The following PHF19 variants were observed in gnomAD, a reference collection of about 807,000 sequenced individuals.
The protein encoded by PHF19 is PHD finger protein 19, also known as polycomb like 3.
Under a neutral mutation model 79.8 loss-of-function variants are expected in PHF19, and 21 were observed. The observed-to-expected ratio is 0.26, with a 90% confidence interval of 0.19 to 0.38. PHF19 has a LOEUF of 0.38. Ranked by LOEUF, PHF19 falls within the 10% of genes least tolerant of loss-of-function variation. PHF19 has a pLI of 1.00. For synonymous variants in PHF19, 273 were observed against 296.3 expected, an observed-to-expected ratio of 0.92 and a Z score of 0.81; for missense variants, 445 against 744.2, an observed-to-expected ratio of 0.60 and a Z score of 4.68.
upstream of PHF19, among the ~76,000 whole-genome samples, chr9:120,879,349 A>C (rs1305677744): frequency 6.6e-6 from 1 of 152,150 alleles, no homozygotes. Flanking sequence ...CTCGTGGAGG[A>C]GGCGGTGTTG....
intron 1 of PHF19, among the ~76,000 whole-genome samples, chr9:120,892,964 C>T (rs2046361459): frequency 6.6e-6 from 1 of 152,154 alleles, no homozygotes; most frequent in African/African-American, 2.4e-5. Context: ...AATAGCCCTG[C>T]CATTTCCTAG....
upstream of PHF19, among the ~76,000 whole-genome samples, chr9:120,898,450 A>G (rs2046418643): frequency 6.6e-6 from 1 of 152,244 alleles, no homozygotes; most frequent in South Asian, 2.1e-4. Flanking sequence ...AAGTCAGGAA[A>G]ATAATACTTT....
chr9:120,871,422 C>CAT (rs1003965965), intron 3 of PHF19, among the ~76,000 whole-genome samples: 50 of 152,342 alleles, frequency 3.3e-4, no homozygotes, highest in African/African-American at 1.2e-3. Context: ...TATAAGTTAA[C>CAT]ATAATTGCTT....
chr9:120,869,336 G>A lies in PHF19; in HGVS notation c.466-6C>T. 6.2e-7 allele frequency: 1 copy of A among 1,610,828 alleles called. No homozygotes were observed. Among genetic ancestry groups the A allele is most frequent in the Non-Finnish European group, 8.5e-7 (1 of 1,179,186 alleles). The stretch of plus-strand genomic sequence containing the variant: ...TTCTTCAGCGCGCCGCCTTTCTGGG[G>A]GGAGACGAGGGCCCCAGTCAACCAC... On this transcript the variant is annotated splice_region_variant and splice_polypyrimidine_tract_variant and intron_variant, in intron 5 of 14. Coordinates refer to ENST00000373896, the MANE Select transcript of PHF19 (RefSeq NM_015651.3). This position sits in a 1 kb window ranked among gnomAD's most constrained non-coding sequence, Gnocchi z 5.8.
chr9:120,878,697 C>T (rs537796186), upstream of PHF19, among the ~76,000 whole-genome samples: 1 of 152,228 alleles, frequency 6.6e-6, no homozygotes, highest in Non-Finnish European at 1.5e-5. Flanking sequence ...ACCTGCCTCA[C>T]TGCCCCATTC....
At position 120,856,663 on chromosome 9, in the gene PHF19, C is replaced by G. The variant is rs2045367363; in HGVS notation, c.*1281G>C. 1 of 152,728 alleles carries G rather than the reference C, an allele frequency of 6.5e-6. No homozygotes were observed. Among genetic ancestry groups the G allele is most frequent in the East Asian group, 1.9e-4 (1 of 5,188 alleles). The allele number at this position is 152,728 out of a possible 1,614,324, so 9.5% of individuals were successfully genotyped here. A position where few individuals can be genotyped will look rare whatever the true frequency, so the allele number is the denominator to read the frequency against. ...TTCCAAAAATTCTCTTTCAAACCCC[C>G]ACTGGCAAGGGCTTCCCTTTGAGGG... On this transcript the variant is annotated 3_prime_UTR_variant, in exon 15 of 15. Transcript: ENST00000373896.
chr9:120,862,698 G>T lies in PHF19; in HGVS notation c.1020C>A (p.Arg340=). 6.2e-7 allele frequency: 1 copy of T among 1,614,182 alleles called. No homozygotes were observed. Among genetic ancestry groups the T allele is most frequent in the South Asian group, 1.1e-5 (1 of 91,088 alleles). The change falls in exon 11 of 15, where the codon CGC becomes CGA. Residue 340 remains arginine (R), a synonymous_variant. Transcript: ENST00000373896. This position sits in a 1 kb window ranked among gnomAD's most constrained non-coding sequence, Gnocchi z 4.6. ...IKKKKCIFRL[R]IRVPPNPPGK... ...CTGGCGGGTTGGGTGGGACGCGGAT[G>T]CGCAGGCGGAAGATGCACTTCTTCT...
At chr9:120,894,992 G>A, upstream of PHF19, 1 of 373,834 alleles carries the variant, frequency 2.7e-6, no homozygotes, top group Non-Finnish European at 4.7e-6. Flanking sequence ...CATGGGCGAG[G>A]ACCTTCTCTT....
Position 120,869,697 on chromosome 9 carries a change from G to A in PHF19, c.465+148C>T. 6.4e-7 allele frequency: 1 copy of A among 1,553,144 alleles called. No homozygotes were observed. Among genetic ancestry groups the A allele is most frequent in the Non-Finnish European group, 8.7e-7 (1 of 1,147,636 alleles). ...GAGGCTCAGGGAGTCTACAAATCCT[G>A]GCCAAGGACAGTGGCAGAGGCGCTA... is the stretch of plus-strand genomic sequence containing the variant. On this transcript the variant is annotated intron_variant, in intron 5 of 14. Coordinates refer to ENST00000373896, the MANE Select transcript of PHF19 (RefSeq NM_015651.3). This position sits in a 1 kb window ranked among gnomAD's most constrained non-coding sequence, Gnocchi z 5.8.
the PHF19 span, chr9:120,903,965 G>C: frequency 6.6e-6 from 1 of 152,216 alleles, no homozygotes; most frequent in Non-Finnish European, 1.5e-5. Flanking sequence ...GGAAAACTTC[G>C]AAAGAGATTC....
In PHF19 at chr9:120,869,380, G is replaced by C; in HGVS notation, c.466-50C>G. ...CAACCACCAGGTCCGGGTGGACCAC[G>C]CGAGTCAGCACGCGGCTGTCTATTG... is the stretch of plus-strand genomic sequence containing the variant. On this transcript the variant is annotated intron_variant, in intron 5 of 14. Coordinates refer to ENST00000373896, the MANE Select transcript of PHF19 (RefSeq NM_015651.3). This position sits in a 1 kb window ranked among gnomAD's most constrained non-coding sequence, Gnocchi z 5.8. The C allele has an allele frequency of 1.3e-6, 2 of 1,583,246 alleles. No homozygotes were observed. The highest frequency in any genetic ancestry group is 8.6e-7 in the Non-Finnish European group (1 of 1,163,162).
chr9:120,883,154 C>T (rs2046212522), intron 1 of PHF19, among the ~76,000 whole-genome samples: 1 of 151,998 alleles, frequency 6.6e-6, no homozygotes, highest in Non-Finnish European at 1.5e-5. Context: ...ACACCTTTAC[C>T]TGTGGCTTTT....
rs979088587 is a variant in PHF19 at position 120,874,865 on chromosome 9, T to C, written c.-15-109A>G. The C allele has an allele frequency of 4.5e-6, 3 of 660,374 alleles. No homozygotes were observed. The highest frequency in any genetic ancestry group is 3.6e-5 in the African/African-American group (2 of 55,200). 40.9% of individuals were successfully genotyped at this position (660,374 alleles called of 1,614,324 possible). ...TGTACCCTGTGCTATAAGCCAGACT[T>C]GGTTATTATCTCACTGATTCCTCGT... is the stretch of plus-strand genomic sequence containing the variant. On this transcript the variant is annotated intron_variant, in intron 1 of 14. Transcript: ENST00000373896. This position sits in a 1 kb window ranked among gnomAD's most constrained non-coding sequence, Gnocchi z 4.5.
Position 120,860,461 on chromosome 9 carries a change from A to G in PHF19, c.1305-276T>C, listed in dbSNP as rs2131483461. The G allele has an allele frequency of 9.2e-6, 4 of 434,128 alleles. No homozygotes were observed. In the East Asian group the frequency reaches 1.4e-4, roughly 15 times the overall value. The allele number at this position is 434,128 out of a possible 1,614,324, so 26.9% of individuals were successfully genotyped here. On this transcript the variant is annotated intron_variant, in intron 13 of 14. Transcript: ENST00000373896. This position sits in a 1 kb window ranked among gnomAD's most constrained non-coding sequence, Gnocchi z 4.1. ...ATCCAAGGCACCTGTGCAACACTTCACAGGTCAAAAGTGCTTTCATTTGCA... is the reference window on the plus strand; with the variant it reads ...ATCCAAGGCACCTGTGCAACACTTCGCAGGTCAAAAGTGCTTTCATTTGCA...
chr9:120,869,772 G>A lies in PHF19; in HGVS notation c.465+73C>T, dbSNP rs112858270. On this transcript the variant is annotated intron_variant, in intron 5 of 14. Coordinates refer to ENST00000373896, the MANE Select transcript of PHF19 (RefSeq NM_015651.3). This position sits in a 1 kb window ranked among gnomAD's most constrained non-coding sequence, Gnocchi z 5.8. ...CCCTTCTGCTTGGAGCTCAGACTCT[G>A]TGATGGGAGTCTCTGGTCTGCCCCA... 2.1e-3 allele frequency: 3,319 copies of A among 1,605,398 alleles called. 65 individuals carry two copies. The African/African-American group carries it at 0.039, about 19-fold the overall frequency.
the PHF19 span, among the ~76,000 whole-genome samples, chr9:120,900,111 C>T: frequency 1.8e-4 from 25 of 135,734 alleles, no homozygotes; most frequent in East Asian, 3.9e-3. Flanking sequence ...CTCAGCCCGC[C>T]GAGTAGCTGG....
rs1192367760 is a variant in PHF19, at chr9:120,877,105, TC to T, written c.-31del. 1.0e-4 allele frequency: 99 copies of T among 985,002 alleles called. No homozygotes were observed. The highest frequency in any genetic ancestry group is 1.4e-4 in the South Asian group (3 of 21,294). 61.0% of individuals were successfully genotyped at this position (985,002 alleles called of 1,614,324 possible). A position where few individuals can be genotyped will look rare whatever the true frequency, so the allele number is the denominator to read the frequency against. ...GCAGAACTCACCGCGAGGCTGCGTG[TC>T]CGCCGGTCCCACTTGGAGTCTGGCC... On this transcript the variant is annotated 5_prime_UTR_variant, in exon 1 of 15. Coordinates refer to ENST00000373896, the MANE Select transcript of PHF19 (RefSeq NM_015651.3).
intron 14 of PHF19, among the ~76,000 whole-genome samples, chr9:120,858,829 A>ACACT (rs1396421630): frequency 1.1e-3 from 172 of 151,362 alleles, no homozygotes; most frequent in Admixed American, 2.1e-3. Flanking sequence ...ACACACACAC[A>ACACT]CACACACACA....
At chr9:120,895,092 G>A (rs989026675), upstream of PHF19, among the ~76,000 whole-genome samples, 5 of 152,194 alleles carry the variant, frequency 3.3e-5, no homozygotes, top group African/African-American at 1.2e-4. Flanking sequence ...CTCAGAGCTG[G>A]TGATGTGACT....
Sources: gnomAD v4.1 joint callset for allele counts (sites outside exome capture counted in the v4.1 genomes callset) on GRCh38, gnomAD v4.1.1 for gene constraint, Gnocchi (gnomAD v3.1) non-coding constraint, MANE v1.5 for transcripts, NCBI Gene and HGNC (gene_info 2026-07-23, HGNC 2026-07-21) for gene names.